RIPOR2: variants seen among roughly 807,000 people sequenced by gnomAD.
RIPOR2 encodes RHO family interacting cell polarization regulator 2, also known as rho family-interacting cell polarization regulator 2.
A neutral mutation model predicts 114.5 loss-of-function variants in RIPOR2; 39 were observed. The observed-to-expected ratio is 0.34, with a 90% confidence interval of 0.26 to 0.44. The LOEUF is 0.44. RIPOR2 is among the 20% of genes least tolerant of loss of function. RIPOR2 has a pLI of 1.00. For synonymous variants in RIPOR2, 445 were observed against 484.4 expected, an observed-to-expected ratio of 0.92 and a Z score of 1.07; for missense variants, 1,007 against 1,255.1, an observed-to-expected ratio of 0.80 and a Z score of 2.99.
chr6:24,881,625 T>C (rs898674879), intron 1 of RIPOR2, among the ~76,000 whole-genome samples: 1 of 152,234 alleles, frequency 6.6e-6, no homozygotes, highest in South Asian at 2.1e-4. Context: ...TCTCTGACTA[T>C]GCAGTGTTAA....
rs115013548 is a variant in RIPOR2, at chr6:24,842,869, A to T, written c.1850T>A (p.Ile617Asn). The change falls in exon 13 of 22, where the codon ATT becomes AAT. Residue 617 changes from isoleucine (I) to asparagine (N), a missense_variant. Coordinates refer to ENST00000643898, the MANE Select transcript of RIPOR2 (RefSeq NM_001286445.3). ...LNQEVMNLDD[I>N]LKCKPAVSRS... ...CTCTGAAAAGGTACTTACTTTTAGA[A>T]TATCATCCAAATTCATGACTTCTTG... 6.9e-7 allele frequency: 1 copy of T among 1,439,824 alleles called. No individual in the cohort carries two copies. The highest frequency in any genetic ancestry group is 1.4e-5 in the African/African-American group (1 of 70,104). 89.2% of individuals were successfully genotyped at this position (1,439,824 alleles called of 1,614,324 possible).
chr6:24,956,680 G>T (rs1773057815), intron 1 of RIPOR2, among the ~76,000 whole-genome samples: 1 of 47,984 alleles, frequency 2.1e-5, no homozygotes, highest in South Asian at 1.3e-3. Flanking sequence ...ATGGACCTAG[G>T]CAGTCTGCCG....
chr6:24,835,680 C>T (rs1218249377), intron 15 of RIPOR2, 23 bp downstream of exon 15: 2 of 1,547,672 alleles, frequency 1.3e-6, no homozygotes, highest in Non-Finnish European at 8.7e-7. Flanking sequence ...GCATCTCAAA[C>T]ACAAATTCAT....
At chr6:24,983,227 T>TAC (rs902526598) in intron 1 of RIPOR2, among the ~76,000 whole-genome samples, 3 of 149,418 alleles carry the variant, frequency 2.0e-5, no homozygotes, top group South Asian at 2.1e-4. Flanking sequence ...CATACATATA[T>TAC]ACACACACAC....
At position 24,961,791 on chromosome 6, in the gene RIPOR2, A is replaced by G. The variant is rs1773321435; in HGVS notation, c.76+80060T>C. Among the ~76,000 whole-genome samples, 3 of 151,812 alleles carry G rather than the reference A, an allele frequency of 2.0e-5. No homozygotes were observed. In the South Asian group the frequency reaches 6.3e-4, roughly 32 times the overall value. On this transcript the variant is annotated intron_variant, in intron 1 of 13. Transcript: ENST00000510784. ...CAGGCACCTGCCACCATGCCTGGCTAATTTTTTGTATTTTTAGTAGAGATG... is the reference window on the plus strand; with the variant it reads ...CAGGCACCTGCCACCATGCCTGGCTGATTTTTTGTATTTTTAGTAGAGATG...
At chr6:24,823,825 C>T (rs1215522059) in intron 19 of RIPOR2, among the ~76,000 whole-genome samples, 2 of 152,128 alleles carry the variant, frequency 1.3e-5, no homozygotes, top group East Asian at 1.9e-4. Context: ...GGCGCAATCT[C>T]GGCTCACTGC....
chr6:24,984,328 G>A (rs1474360499), intron 1 of RIPOR2, among the ~76,000 whole-genome samples: 4 of 152,192 alleles, frequency 2.6e-5, no homozygotes, highest in Non-Finnish European at 5.9e-5. Flanking sequence ...TTTGGGATAG[G>A]GGGTGAAGAG....
intron 1 of RIPOR2, among the ~76,000 whole-genome samples, chr6:24,951,913 C>G (rs1356839547): frequency 6.6e-6 from 1 of 152,210 alleles, no homozygotes; most frequent in Non-Finnish European, 1.5e-5. Flanking sequence ...GGACCCCACC[C>G]TGCTTACCTT....
At chr6:24,809,407 A>G (rs752367034) in intron 21 of RIPOR2, among the ~76,000 whole-genome samples, 1 of 152,162 alleles carries the variant, frequency 6.6e-6, no homozygotes, top group Admixed American at 6.5e-5. Context: ...CTGGATTCCT[A>G]TTGCCTTTGC....
chr6:24,869,104 T>C lies in RIPOR2; in HGVS notation c.491A>G (p.His164Arg), dbSNP rs753199295. ...IERYMRRLEF[H>R]ISKVDELYEA... ...AGGAATTTCAGTTACCTTACTTATATGAAACTCCAGGCGTCTCATGTATCT... is the reference window on the plus strand; with the variant it reads ...AGGAATTTCAGTTACCTTACTTATACGAAACTCCAGGCGTCTCATGTATCT... Residue 164 changes from histidine to arginine, a missense_variant, in exon 6 of 22, where the codon CAT (histidine) becomes CGT (arginine). His to Arg is a conservative substitution (Grantham distance 29). Coordinates refer to ENST00000643898, the MANE Select transcript of RIPOR2 (RefSeq NM_001286445.3). 6.3e-7 allele frequency: 1 copy of C among 1,578,656 alleles called. No homozygotes were observed. The highest frequency in any genetic ancestry group is 1.8e-5 in the Admixed American group (1 of 55,348).
chr6:24,850,488 A>T, intron 10 of RIPOR2, 109 bp downstream of exon 10: 1 of 1,170,986 alleles, frequency 8.5e-7, no homozygotes, highest in Non-Finnish European at 1.2e-6. Context: ...TTGTGCAGAA[A>T]AGTCTGTGGG....
At chr6:24,970,160 C>G (rs1404209654) in intron 1 of RIPOR2, among the ~76,000 whole-genome samples, 1 of 22,902 alleles carries the variant, frequency 4.4e-5, no homozygotes, top group Non-Finnish European at 2.0e-4. Flanking sequence ...AGAAAGGGGA[C>G]GAAAAAAAAA....
At chr6:24,990,901 C>G (rs1446738029) in intron 1 of RIPOR2, among the ~76,000 whole-genome samples, 21 of 152,190 alleles carry the variant, frequency 1.4e-4, no homozygotes, top group Admixed American at 1.4e-3. Context: ...GCTCTAAATA[C>G]ACAATAAAAT....
At chr6:24,993,384 T>C (rs1174605822) in intron 1 of RIPOR2, among the ~76,000 whole-genome samples, 1 of 152,248 alleles carries the variant, frequency 6.6e-6, no homozygotes, top group African/African-American at 2.4e-5. Context: ...ATGTTTTGTC[T>C]GAAATTAGGG....
intron 1 of RIPOR2, among the ~76,000 whole-genome samples, chr6:24,910,182 A>G (rs1769407615): frequency 6.6e-6 from 1 of 151,490 alleles, no homozygotes; most frequent in South Asian, 2.1e-4. Context: ...CCCTCCCCCC[A>G]TCTTTCCAGA....
chr6:24,913,341 G>T (rs566879671), intron 1 of RIPOR2, among the ~76,000 whole-genome samples: 1 of 152,310 alleles, frequency 6.6e-6, no homozygotes, highest in East Asian at 1.9e-4. Flanking sequence ...CCCCTTGAGG[G>T]AGCTTCCTTA....
chr6:24,825,012 A>G (rs1426965630), intron 19 of RIPOR2, among the ~76,000 whole-genome samples: 1 of 152,240 alleles, frequency 6.6e-6, no homozygotes, highest in East Asian at 1.9e-4. Flanking sequence ...ATACAATCTG[A>G]AAGAAGAGGC....
At chr6:24,864,336 A>C (rs1764372924) in intron 7 of RIPOR2, among the ~76,000 whole-genome samples, 1 of 152,204 alleles carries the variant, frequency 6.6e-6, no homozygotes, top group Non-Finnish European at 1.5e-5. Context: ...TCTCTCAAAA[A>C]ATAATAAAAA....
At chr6:24,920,222 T>G (rs1384298729) in intron 1 of RIPOR2, among the ~76,000 whole-genome samples, 1 of 152,218 alleles carries the variant, frequency 6.6e-6, no homozygotes, top group African/African-American at 2.4e-5. Flanking sequence ...GTTAGGAACA[T>G]AGACCAAACA....
Sources: allele counts gnomAD v4.1 joint callset (sites outside exome capture counted in the v4.1 genomes callset), GRCh38; gene constraint gnomAD v4.1.1; transcripts MANE v1.5; gene names NCBI Gene and HGNC (gene_info 2026-07-23, HGNC 2026-07-21).